The following KIAA1549L variants were observed in gnomAD, a reference collection of about 807,000 sequenced individuals.
The protein encoded by KIAA1549L is KIAA1549 like.
In KIAA1549L, 88 loss-of-function variants were observed where a neutral mutation model predicts 160.7. That is an observed-to-expected ratio of 0.55 (90% confidence interval 0.46 to 0.65). The LOEUF (loss-of-function observed/expected upper bound fraction) is 0.65. Among genes scored for constraint, KIAA1549L ranks in the 30% least tolerant of loss-of-function variants. KIAA1549L has a pLI of 0.00. For missense variants in KIAA1549L, 2,258 were observed against 2,437.5 expected, an observed-to-expected ratio of 0.93 and a Z score of 1.55; for synonymous variants, 950 against 976.7, an observed-to-expected ratio of 0.97 and a Z score of 0.51.
chr11:33,544,458 C>A, intron 2 of KIAA1549L, 122 bp downstream of exon 2: 1 of 1,074,238 alleles, frequency 9.3e-7, no homozygotes, highest in Admixed American at 2.3e-5. Flanking sequence ...GGAGCTCATA[C>A]CCCCGATCAG....
chr11:33,394,760 A>C (rs1265361579), intron 1 of KIAA1549L, among the ~76,000 whole-genome samples: 1 of 152,216 alleles, frequency 6.6e-6, no homozygotes, highest in Admixed American at 6.5e-5. Context: ...AGTGTTCCTG[A>C]TGGGCAGAGA....
intron 16 of KIAA1549L, among the ~76,000 whole-genome samples, chr11:33,630,195 G>A (rs1387188061): frequency 1.3e-5 from 2 of 152,102 alleles, no homozygotes; most frequent in African/African-American, 2.4e-5. Flanking sequence ...CTGTCAGACC[G>A]GGACATTTAA....
intron 1 of KIAA1549L, among the ~76,000 whole-genome samples, chr11:33,443,004 T>G (rs1222060146): frequency 6.6e-6 from 1 of 152,236 alleles, no homozygotes. Flanking sequence ...AGAAATTCTT[T>G]GTAGCTTTTC....
chr11:33,422,595 TCTTTC>T (rs1388593171), intron 1 of KIAA1549L, among the ~76,000 whole-genome samples: 48 of 140,276 alleles, frequency 3.4e-4, no homozygotes, highest in African/African-American at 1.3e-3. Flanking sequence ...TTCCCTCCTT[TCTTTC>T]CTTCTTCCTT....
Position 33,645,739 on chromosome 11 carries a change from G to A in KIAA1549L, c.5463G>A (p.Arg1821=), listed in dbSNP as rs1554928662. The change falls in exon 17 of 21, where the codon CGG becomes CGA. Residue 1821 remains arginine, a synonymous_variant. Coordinates refer to ENST00000658780, the MANE Select transcript of KIAA1549L (RefSeq NM_012194.3). Reference sequence around the variant, plus strand: ...ACATTGACAGAGTTCCTGAGCCCCGGGGCTATTCCAGGTCTCGACAGGTGA... The same window carrying A: ...ACATTGACAGAGTTCCTGAGCCCCGAGGCTATTCCAGGTCTCGACAGGTGA... ...ETNIDRVPEP[R]GYSRSRQVKG... is the part of the protein sequence containing the mutation. 9 of 1,614,002 alleles carry A rather than the reference G, an allele frequency of 5.6e-6. No individual in the cohort carries two copies. The South Asian group carries it at 7.7e-5, about 14-fold the overall frequency.
chr11:33,438,473 T>C (rs1438759081), intron 1 of KIAA1549L, among the ~76,000 whole-genome samples: 1 of 152,216 alleles, frequency 6.6e-6, no homozygotes, highest in Non-Finnish European at 1.5e-5. Context: ...ATTGGAGAGA[T>C]GTCAGCTGTG....
chr11:33,551,316 A>C (rs1317371425), intron 5 of KIAA1549L, 57 bp downstream of exon 5: 5 of 1,437,082 alleles, frequency 3.5e-6, no homozygotes, highest in Non-Finnish European at 4.8e-6. Context: ...GGCCAGTACC[A>C]AGTGGACACC....
rs1242102521 is a variant in KIAA1549L at position 33,434,078 on chromosome 11, C to G, written c.238+57189C>G. Among the ~76,000 whole-genome samples the G allele has an allele frequency of 8.8e-5, 13 of 147,428 alleles. No individual in the cohort carries two copies. The Admixed American group carries it at 9.0e-4, about 10-fold the overall frequency. On this transcript the variant is annotated intron_variant, in intron 1 of 20. Coordinates refer to ENST00000658780, the MANE Select transcript of KIAA1549L (RefSeq NM_012194.3). ...TTTTTTTAGAAGAAATAAAGCCCCC[C>G]CCGCCACCAAAAAAAAAAGAATATG...
At chr11:33,585,792 G>A (rs1244081176) in intron 11 of KIAA1549L, among the ~76,000 whole-genome samples, 3 of 152,208 alleles carry the variant, frequency 2.0e-5, no homozygotes, top group Non-Finnish European at 2.9e-5. Context: ...ACAGATTAGC[G>A]TTTGTGGTTT....
At chr11:33,667,723 A>G (rs2133465205) in intron 20 of KIAA1549L, 150 bp from the exon 21 acceptor site, 1 of 665,004 alleles carries the variant, frequency 1.5e-6, no homozygotes, top group East Asian at 2.8e-5. Flanking sequence ...TCTGAGTTTT[A>G]TATCTATACA....
intron 1 of KIAA1549L, among the ~76,000 whole-genome samples, chr11:33,527,530 A>C (rs1853640611): frequency 6.6e-6 from 1 of 152,252 alleles, no homozygotes; most frequent in Non-Finnish European, 1.5e-5. Flanking sequence ...TGACTTAGGC[A>C]AAGAGTTTAT....
intron 16 of KIAA1549L, among the ~76,000 whole-genome samples, chr11:33,619,839 G>A (rs1247522667): frequency 1.3e-5 from 2 of 151,962 alleles, no homozygotes; most frequent in Admixed American, 1.3e-4. Context: ...TTTCCTATGC[G>A]AAATTCATTC....
intron 9 of KIAA1549L, among the ~76,000 whole-genome samples, chr11:33,574,467 CCA>C (rs1376086849): frequency 6.6e-6 from 1 of 152,226 alleles, no homozygotes; most frequent in African/African-American, 2.4e-5. Flanking sequence ...TCTTCTCCAA[CCA>C]CAAACTGTTC....
At chr11:33,385,490 GACATTGCTAAATGTCCCCCT>G (rs1850156150) in intron 1 of KIAA1549L, among the ~76,000 whole-genome samples, 1 of 152,218 alleles carries the variant, frequency 6.6e-6, no homozygotes, top group Non-Finnish European at 1.5e-5. Flanking sequence ...AATGTTTCCA[GACATTGCTAAATGTCCCCCT>G]AGGGAGTAAA....
intron 10 of KIAA1549L, among the ~76,000 whole-genome samples, chr11:33,580,366 G>A (rs1855593149): frequency 6.6e-6 from 1 of 152,092 alleles, no homozygotes. Flanking sequence ...CTGAGGTCAG[G>A]AGTTTGAGAC....
At chr11:33,642,299 C>G (rs1196971335) in intron 16 of KIAA1549L, among the ~76,000 whole-genome samples, 1 of 152,138 alleles carries the variant, frequency 6.6e-6, no homozygotes, top group East Asian at 1.9e-4. Context: ...TTACCTTAAC[C>G]TCAACTTCCA....
At chr11:33,409,581 A>G (rs1168085528) in intron 1 of KIAA1549L, among the ~76,000 whole-genome samples, 4 of 152,200 alleles carry the variant, frequency 2.6e-5, no homozygotes, top group Non-Finnish European at 5.9e-5. Flanking sequence ...GTGACAGGAA[A>G]TCAGTGAAGA....
intron 1 of KIAA1549L, among the ~76,000 whole-genome samples, chr11:33,534,439 C>G (rs1187873796): frequency 6.6e-6 from 1 of 151,988 alleles, no homozygotes; most frequent in African/African-American, 2.4e-5. Flanking sequence ...TGTGAGCAAA[C>G]AGTAATTCAT....
chr11:33,556,294 C>T (rs1854645104), intron 6 of KIAA1549L, among the ~76,000 whole-genome samples: 1 of 152,166 alleles, frequency 6.6e-6, no homozygotes. Context: ...TGGTTCAGCA[C>T]TTTCATTTCT....
Sources: gnomAD v4.1 joint callset for allele counts (sites outside exome capture counted in the v4.1 genomes callset) on GRCh38, gnomAD v4.1.1 for gene constraint, MANE v1.5 for transcripts, NCBI Gene and HGNC (gene_info 2026-07-23, HGNC 2026-07-21) for gene names.